Variants in ZNF652 observed in about 807,000 individuals in gnomAD.
ZNF652 encodes zinc finger protein 652.
ZNF652 carries 16 observed loss-of-function variants against 45.2 expected under a neutral mutation model. The observed-to-expected ratio is 0.35, with a 90% confidence interval of 0.24 to 0.54. The LOEUF is 0.54. Ranked by LOEUF, ZNF652 falls within the 20% of genes least tolerant of loss-of-function variation. ZNF652 has a pLI of 0.91. For missense variants in ZNF652, 614 were observed against 765.6 expected (o/e 0.80, Z 2.34); for synonymous variants, 250 against 260.6 (o/e 0.96, Z 0.39).
chr17:49,299,814 C>T (rs1171236100), intron 5 of ZNF652, among the ~76,000 whole-genome samples: 1 of 149,638 alleles, frequency 6.7e-6, no homozygotes, highest in Non-Finnish European at 1.5e-5. Flanking sequence ...ATAGCTGGGA[C>T]TACTACAGGT....
intron 1 of ZNF652, among the ~76,000 whole-genome samples, chr17:49,328,293 AGTGGG>A (rs2069987975): frequency 6.6e-6 from 1 of 152,006 alleles, no homozygotes; most frequent in African/African-American, 2.4e-5. Context: ...CAGATGGAGA[AGTGGG>A]AAGGTAAGAA....
At chr17:49,355,685 G>T (rs897779694) in intron 1 of ZNF652, among the ~76,000 whole-genome samples, 5 of 152,034 alleles carry the variant, frequency 3.3e-5, no homozygotes, top group African/African-American at 1.2e-4. Flanking sequence ...AGATCACGAG[G>T]TCAGGAGTTC....
At chr17:49,329,397 C>T (rs773428753) in intron 1 of ZNF652, among the ~76,000 whole-genome samples, 2 of 152,102 alleles carry the variant, frequency 1.3e-5, no homozygotes, top group Non-Finnish European at 2.9e-5. Flanking sequence ...CCTTCATTTC[C>T]AAAGGTGCTC....
At chr17:49,325,613 T>A (rs2069948080) in intron 1 of ZNF652, among the ~76,000 whole-genome samples, 1 of 151,178 alleles carries the variant, frequency 6.6e-6, no homozygotes, top group South Asian at 2.1e-4. Flanking sequence ...TAAAACAAGG[T>A]AGGCCTTCAG....
In ZNF652 at chr17:49,298,357, G is replaced by C; in HGVS notation, c.*56C>G. The C allele has an allele frequency of 2.5e-6, 4 of 1,603,408 alleles. No individual in the cohort carries two copies. The highest frequency in any genetic ancestry group is 1.7e-6 in the Non-Finnish European group (2 of 1,175,204). On this transcript the variant is annotated 3_prime_UTR_variant, in exon 6 of 6. Coordinates refer to ENST00000430262, the MANE Select transcript of ZNF652 (RefSeq NM_001145365.3). Reference sequence around the variant, plus strand: ...AAGGAAATGCTCACCGACTCCCTCTGTGCACGCTCACACATGGGGACGTGT... The same window carrying C: ...AAGGAAATGCTCACCGACTCCCTCTCTGCACGCTCACACATGGGGACGTGT...
rs1207593141 is a variant in ZNF652, at chr17:49,340,610, T to C, written c.-259+21299A>G. On this transcript the variant is annotated intron_variant, in intron 1 of 5. Transcript: ENST00000430262. Reference sequence around the variant, plus strand: ...AATATATTTTGGAATTAATTATAGGTTAGTTCATTAAGCTTTTAAAAACTG... The same window carrying C: ...AATATATTTTGGAATTAATTATAGGCTAGTTCATTAAGCTTTTAAAAACTG... 2.0e-5 allele frequency among the ~76,000 whole-genome samples: 3 copies of C among 150,016 alleles called. No homozygotes were observed. The East Asian group carries it at 5.8e-4, about 29-fold the overall frequency.
chr17:49,316,936 T>C lies in ZNF652; in HGVS notation c.790A>G (p.Met264Val). The change falls in exon 2 of 6, where the codon ATG (methionine) becomes GTG (valine). Residue 264 changes from methionine to valine, a missense_variant. Physicochemically the swap from Met to Val is conservative, Grantham distance 21. Around this residue, in one of 5 missense-constraint regions of ZNF652, gnomAD observed 262 missense variants for 306.3 expected, o/e 0.86. Transcript: ENST00000430262. ...FNTRWYLEKH[M>V]NVTHRRMQIC... ...TGCATGCGCCTATGAGTAACGTTCA[T>C]GTGCTTCTCCAGGTACCAGCGAGTG... The C allele has an allele frequency of 1.2e-6, 2 of 1,614,196 alleles. No individual in the cohort carries two copies. Among genetic ancestry groups the C allele is most frequent in the Non-Finnish European group, 1.7e-6 (2 of 1,180,028 alleles).
chr17:49,302,270 C>G (rs1237047396), intron 5 of ZNF652, among the ~76,000 whole-genome samples: 1 of 148,940 alleles, frequency 6.7e-6, no homozygotes, highest in Non-Finnish European at 1.5e-5. Flanking sequence ...ACAACAACAA[C>G]GTTATAAAGT....
chr17:49,311,368 C>A lies in ZNF652; in HGVS notation c.1253G>T (p.Cys418Phe). 1 of 1,614,184 alleles carries A rather than the reference C, an allele frequency of 6.2e-7. No individual in the cohort carries two copies. The highest frequency in any genetic ancestry group is 8.5e-7 in the Non-Finnish European group (1 of 1,180,004). ...IGHKQFMCQWCGKDFNMKQYF... is the reference protein window; with the variant it reads ...IGHKQFMCQWFGKDFNMKQYF... ...CTGCTTCATGTTGAAATCCTTGCCA[C>A]ACCACTGGCACATGAACTGTTTGTG... is the stretch of plus-strand genomic sequence containing the variant. The change falls in exon 5 of 6, where the codon TGT becomes TTT. Residue 418 changes from cysteine (C) to phenylalanine (F), a missense_variant. Cys to Phe is a radical substitution (Grantham distance 205, BLOSUM62 -2). Coordinates refer to ENST00000430262, the MANE Select transcript of ZNF652 (RefSeq NM_001145365.3).
chr17:49,342,204 T>A (rs1329375915), intron 1 of ZNF652, among the ~76,000 whole-genome samples: 2 of 151,622 alleles, frequency 1.3e-5, no homozygotes, highest in African/African-American at 4.8e-5. Context: ...AAAAAAAGAA[T>A]TTTCTCAAAT....
chr17:49,350,991 A>G lies in ZNF652; in HGVS notation c.-259+10918T>C, dbSNP rs1384005191. On this transcript the variant is annotated intron_variant, in intron 1 of 5. Coordinates refer to ENST00000430262, the MANE Select transcript of ZNF652 (RefSeq NM_001145365.3). Reference sequence around the variant, plus strand: ...TCTACATATATATATATATATATATATATATATATATATATATATATATAC... The same window carrying G: ...TCTACATATATATATATATATATATGTATATATATATATATATATATATAC... Among the ~76,000 whole-genome samples the G allele has an allele frequency of 9.5e-3, 200 of 20,954 alleles. 9 individuals carry two copies. The highest frequency in any genetic ancestry group is 0.033 in the African/African-American group (178 of 5,406). 13.7% of individuals were successfully genotyped at this position (20,954 alleles called of 152,430 possible).
In ZNF652 at chr17:49,298,872, G is replaced by A; in HGVS notation, c.1362C>T (p.Pro454=). The A allele has an allele frequency of 6.2e-7, 1 of 1,613,510 alleles. No homozygotes were observed. The highest frequency in any genetic ancestry group is 8.5e-7 in the Non-Finnish European group (1 of 1,179,786). ...EICGKSFTSR[P]NMKRHRRTHT... Reference sequence around the variant, plus strand: ...GAGTTCTGCGGTGTCTCTTCATGTTGGGGCGGCTGGTGAAGCTTTTGCCAC... The same window carrying A: ...GAGTTCTGCGGTGTCTCTTCATGTTAGGGCGGCTGGTGAAGCTTTTGCCAC... Residue 454 remains proline (P), a synonymous_variant, in exon 6 of 6, where the codon CCC becomes CCT. Transcript: ENST00000430262.
chr17:49,345,550 A>C (rs1011613596), intron 1 of ZNF652, among the ~76,000 whole-genome samples: 1 of 151,178 alleles, frequency 6.6e-6, no homozygotes, highest in South Asian at 2.1e-4. Context: ...CTTTAAAAAG[A>C]AATGAAGTAG....
intron 1 of ZNF652, among the ~76,000 whole-genome samples, chr17:49,358,177 A>G (rs988330429): frequency 2.0e-5 from 3 of 152,220 alleles, no homozygotes; most frequent in African/African-American, 7.2e-5. Context: ...GACTTGTTCA[A>G]TATCATAAGA....
In ZNF652 at chr17:49,327,806, T is replaced by G. The variant is rs559007867; in HGVS notation, c.-258-9823A>C. 5.1e-5 allele frequency among the ~76,000 whole-genome samples: 5 copies of G among 98,344 alleles called. No individual in the cohort carries two copies. In the South Asian group the frequency reaches 1.6e-3, roughly 32 times the overall value. 64.5% of individuals were successfully genotyped at this position (98,344 alleles called of 152,430 possible). On this transcript the variant is annotated intron_variant, in intron 1 of 5. Transcript: ENST00000430262. ...TTTTTTTTTTTTTTTTTAGTAGAGA[T>G]AGGGTTTCACCATGTTGTCCAGGCT... is the stretch of plus-strand genomic sequence containing the variant.
At chr17:49,327,166 TTTTTA>T (rs1325839544) in intron 1 of ZNF652, among the ~76,000 whole-genome samples, 3 of 152,178 alleles carry the variant, frequency 2.0e-5, no homozygotes, top group Admixed American at 1.3e-4. Context: ...TAGATAATTT[TTTTTA>T]TTTTTTCACG....
In ZNF652 at chr17:49,292,345, T is replaced by G. The variant is rs1051509493; in HGVS notation, c.*6068A>C. On this transcript the variant is annotated 3_prime_UTR_variant, in exon 6 of 6. Coordinates refer to ENST00000430262, the MANE Select transcript of ZNF652 (RefSeq NM_001145365.3). ...GCTAAATGTTTCATCACGGAGGTGC[T>G]CGATCATATTATATAAAACACTGCA... 6.6e-6 allele frequency among the ~76,000 whole-genome samples: 1 copy of G among 152,180 alleles called. No individual in the cohort carries two copies. Among genetic ancestry groups the G allele is most frequent in the African/African-American group, 2.4e-5 (1 of 41,440 alleles).
At chr17:49,311,606 G>A in intron 4 of ZNF652, 150 bp from the exon 5 acceptor site, 2 of 861,860 alleles carry the variant, frequency 2.3e-6, no homozygotes, top group East Asian at 2.6e-5. Context: ...TATTTCTGCA[G>A]GTGAGTTACT....
chr17:49,349,143 G>A (rs1173150804), intron 1 of ZNF652, among the ~76,000 whole-genome samples: 1 of 152,120 alleles, frequency 6.6e-6, no homozygotes. Context: ...TCAATTTAAT[G>A]CAGTGGCCAG....
Sources: allele counts gnomAD v4.1 joint callset (sites outside exome capture counted in the v4.1 genomes callset), GRCh38; gene constraint gnomAD v4.1.1; regional missense constraint gnomAD v4.1.1; transcripts MANE v1.5; gene names NCBI Gene and HGNC (gene_info 2026-07-23, HGNC 2026-07-21).